Variants in TIMM23 observed in about 807,000 individuals in gnomAD.
TIMM23 encodes mitochondrial import inner membrane translocase subunit Tim23.
A neutral mutation model predicts 30.7 loss-of-function variants in TIMM23; 19 were observed. That is an observed-to-expected ratio of 0.62 (90% confidence interval 0.43 to 0.91). TIMM23 has a LOEUF of 0.91. Among genes scored for constraint, TIMM23 ranks in the 40% least tolerant of loss-of-function variants. TIMM23 has a pLI of 0.00. For missense variants in TIMM23, 202 were observed against 269.2 expected, an observed-to-expected ratio of 0.75 and a Z score of 1.75; for synonymous variants, 78 against 98.5, an observed-to-expected ratio of 0.79 and a Z score of 1.23.
intron 6 of TIMM23, among the ~76,000 whole-genome samples, chr10:45,996,964 CAAACAAAA>C (rs1439328752): frequency 8.9e-5 from 10 of 111,786 alleles, no homozygotes; most frequent in Admixed American, 2.8e-4. Flanking sequence ...GACCCTGTGT[CAAACAAAA>C]AAAAAAAAAA....
intron 6 of TIMM23, among the ~76,000 whole-genome samples, chr10:45,993,905 A>G (rs1203744460): frequency 6.6e-6 from 1 of 152,180 alleles, no homozygotes; most frequent in Non-Finnish European, 1.5e-5. Context: ...GTGAAATGAA[A>G]TGAAATGAAG....
chr10:45,999,173 C>CTTTGT (rs1272680813), intron 6 of TIMM23, among the ~76,000 whole-genome samples: 1 of 151,942 alleles, frequency 6.6e-6, no homozygotes, highest in Non-Finnish European at 1.5e-5. Flanking sequence ...CCAGGTCTGG[C>CTTTGT]TTTGTTGCCC....
At chr10:45,982,328 A>G (rs1837874638) in intron 2 of TIMM23, among the ~76,000 whole-genome samples, 195 bp from the exon 3 acceptor site, 1 of 152,232 alleles carries the variant, frequency 6.6e-6, no homozygotes, top group South Asian at 2.1e-4. Context: ...CCTTCTAAGA[A>G]CTATGTTTCG....
chr10:46,000,916 C>T (rs1201349572), intron 6 of TIMM23, among the ~76,000 whole-genome samples: 2 of 152,236 alleles, frequency 1.3e-5, no homozygotes, highest in Non-Finnish European at 2.9e-5. Flanking sequence ...GTCTTACATT[C>T]AGAATGGGGT....
chr10:46,002,358 C>T, intron 6 of TIMM23: 1 of 196,778 alleles, frequency 5.1e-6, no homozygotes, highest in Non-Finnish European at 9.2e-6. Flanking sequence ...CTATTTTTTG[C>T]AGAGACAGGG....
chr10:45,991,238 T>C (rs1476050332), intron 6 of TIMM23, among the ~76,000 whole-genome samples: 4 of 152,226 alleles, frequency 2.6e-5, no homozygotes, highest in Non-Finnish European at 5.9e-5. Context: ...GAAGATAGTT[T>C]AGGCTTATGG....
chr10:45,991,968 CTTTG>C (rs1342310139), intron 6 of TIMM23, among the ~76,000 whole-genome samples: 1 of 151,200 alleles, frequency 6.6e-6, no homozygotes, highest in Non-Finnish European at 1.5e-5. Flanking sequence ...AAAATGTTTC[CTTTG>C]TTTTTTTTTT....
intron 6 of TIMM23, chr10:45,990,663 T>C (rs1288485656): frequency 3.1e-5 from 13 of 424,914 alleles, no homozygotes; most frequent in Non-Finnish European, 4.2e-5. Flanking sequence ...GCTCAAGCAG[T>C]CATCCTGCCT....
chr10:45,982,566 G>A lies in TIMM23; in HGVS notation c.209G>A (p.Arg70Gln), dbSNP rs1406647598. 66 of 1,613,774 alleles carry A rather than the reference G, an allele frequency of 4.1e-5. No individual in the cohort carries two copies. The highest frequency in any genetic ancestry group is 5.3e-5 in the Non-Finnish European group (62 of 1,179,860). ...FILPTGANKT[R>Q]GRFELAFFTI... The stretch of plus-strand genomic sequence containing the variant: ...TTACCTACCGGAGCTAATAAAACCC[G>A]GGGCAGATTTGAGCTGGCCTTCTTT... Residue 70 changes from arginine (R) to glutamine (Q), a missense_variant, in exon 3 of 7, where the codon CGG becomes CAG. Coordinates refer to ENST00000580018, the MANE Select transcript of TIMM23 (RefSeq NM_006327.4).
At chr10:45,983,275 CATAGGAAATGGTA>C (rs1247796522) in intron 4 of TIMM23, among the ~76,000 whole-genome samples, 4 of 151,954 alleles carry the variant, frequency 2.6e-5, no homozygotes, top group Admixed American at 6.6e-5. Flanking sequence ...CATGCAGATC[CATAGGAAATGGTA>C]ATGAAGAATA....
chr10:45,987,446 G>A (rs1316005289), intron 5 of TIMM23, among the ~76,000 whole-genome samples: 1 of 151,936 alleles, frequency 6.6e-6, no homozygotes, highest in Non-Finnish European at 1.5e-5. Flanking sequence ...GCCCCACTTT[G>A]GATACTTCTG....
At chr10:45,975,404 G>C in intron 1 of TIMM23, 50 bp from the exon 2 acceptor site, 1 of 1,604,880 alleles carries the variant, frequency 6.2e-7, no homozygotes, top group Non-Finnish European at 8.5e-7. Flanking sequence ...ACTCTAACTG[G>C]ATTAACTTAA....
intron 2 of TIMM23, among the ~76,000 whole-genome samples, chr10:45,982,261 T>G (rs1837873305): frequency 6.6e-6 from 1 of 152,210 alleles, no homozygotes; most frequent in Admixed American, 6.5e-5. Context: ...TCTAAACACT[T>G]TTGCACAAAT....
chr10:45,986,782 A>AT (rs1459441306), intron 5 of TIMM23, among the ~76,000 whole-genome samples: 1 of 145,874 alleles, frequency 6.9e-6, no homozygotes, highest in Non-Finnish European at 1.5e-5. Context: ...TTTTTAATCT[A>AT]TTTTTTCTTA....
chr10:45,975,911 C>T (rs1190296341), intron 2 of TIMM23, among the ~76,000 whole-genome samples: 3 of 152,196 alleles, frequency 2.0e-5, no homozygotes, highest in Non-Finnish European at 4.4e-5. Context: ...AGGCCATCCT[C>T]CTGCCTCAGC....
chr10:45,992,492 A>G, intron 6 of TIMM23: 3 of 455,804 alleles, frequency 6.6e-6, no homozygotes, highest in Non-Finnish European at 1.3e-5. Flanking sequence ...TAGAAGTTTT[A>G]TAAACACTTG....
At chr10:45,974,191 ACTCTTGCG>A (rs1554912491) in intron 1 of TIMM23, among the ~76,000 whole-genome samples, 1 of 150,424 alleles carries the variant, frequency 6.6e-6, no homozygotes, top group African/African-American at 2.5e-5. Context: ...TGAAAAGAGG[ACTCTTGCG>A]CTCACAGAGC....
intron 6 of TIMM23, among the ~76,000 whole-genome samples, chr10:45,993,243 A>ATTTTTTTTTTTTTTTTTTTTT (rs1838221633): frequency 3.1e-5 from 1 of 31,784 alleles, no homozygotes; most frequent in African/African-American, 1.3e-4. Context: ...ATCTACCATC[A>ATTTTTTTTTTTTTTTTTTTTT]CTTTTTTTTT....
intron 6 of TIMM23, among the ~76,000 whole-genome samples, chr10:46,000,917 A>C (rs781865783): frequency 3.3e-5 from 5 of 152,250 alleles, no homozygotes; most frequent in Non-Finnish European, 7.3e-5. Context: ...TCTTACATTC[A>C]GAATGGGGTT....
Sources: allele counts gnomAD v4.1 joint callset (sites outside exome capture counted in the v4.1 genomes callset), GRCh38; gene constraint gnomAD v4.1.1; transcripts MANE v1.5; gene names NCBI Gene and HGNC (gene_info 2026-07-23, HGNC 2026-07-21).